TMEM255B: variants seen among roughly 807,000 people sequenced by gnomAD.
TMEM255B encodes family with sequence similarity 70, member B.
Under a neutral mutation model 34.5 loss-of-function variants are expected in TMEM255B, and 35 were observed. The observed-to-expected ratio is 1.01, with a 90% CI of 0.77 to 1.34. TMEM255B has a LOEUF of 1.34. Among genes scored for constraint, TMEM255B ranks in the 40% most tolerant of loss-of-function variants. The pLI is 0.00. For missense variants in TMEM255B, 432 were observed against 433.2 expected (o/e 1.00, Z 0.02); for synonymous variants, 206 against 201.2 (o/e 1.02, Z -0.20).
chr13:113,789,225 T>A (rs1341968130), intron 3 of TMEM255B, among the ~76,000 whole-genome samples: 3 of 151,508 alleles, frequency 2.0e-5, no homozygotes, highest in Admixed American at 1.3e-4. Flanking sequence ...AGCAGAGGCA[T>A]TTGAAGGTGA....
At chr13:113,803,648 T>A (rs2051106635) in intron 7 of TMEM255B, among the ~76,000 whole-genome samples, 1 of 117,456 alleles carries the variant, frequency 8.5e-6, no homozygotes, top group African/African-American at 3.0e-5. Flanking sequence ...CTCCTGCCCC[T>A]CCCTCACGGA....
At chr13:113,795,116 G>C (rs536693183) in intron 3 of TMEM255B, 32 bp from the exon 4 acceptor site, 1 of 1,609,946 alleles carries the variant, frequency 6.2e-7, no homozygotes, top group East Asian at 2.2e-5. Flanking sequence ...GTTGGTAAAA[G>C]CTGGGCACCC....
At chr13:113,780,870 A>G (rs1215837819) in intron 3 of TMEM255B, among the ~76,000 whole-genome samples, 1 of 152,244 alleles carries the variant, frequency 6.6e-6, no homozygotes, top group Non-Finnish European at 1.5e-5. Context: ...GGCACACAAT[A>G]ATTTTAACAT....
Sources: allele counts gnomAD v4.1 joint callset (sites outside exome capture counted in the v4.1 genomes callset), GRCh38; gene constraint gnomAD v4.1.1; transcripts MANE v1.5; gene names NCBI Gene and HGNC (gene_info 2026-07-23, HGNC 2026-07-21).